TBC1D5: variants seen among roughly 807,000 people sequenced by gnomAD.
The protein encoded by TBC1D5 is TBC1 domain family member 5, also known as TBC1 domain family, member 5.
Under a neutral mutation model 100.3 loss-of-function variants are expected in TBC1D5, and 75 were observed. The ratio of observed to expected loss-of-function variants is 0.75; its 90% CI spans 0.62 to 0.91. TBC1D5 has a LOEUF of 0.91. Ranked by LOEUF, TBC1D5 falls within the 40% of genes least tolerant of loss-of-function variation. The pLI, the probability that TBC1D5 is intolerant of heterozygous loss-of-function variation, is 0.00. For missense variants in TBC1D5, 910 were observed against 942.4 expected (o/e 0.97, Z 0.45); for synonymous variants, 323 against 325.6 (o/e 0.99, Z 0.09).
intron 2 of TBC1D5, among the ~76,000 whole-genome samples, chr3:17,582,488 A>G (rs2153537751): frequency 6.6e-6 from 1 of 152,294 alleles, no homozygotes; most frequent in South Asian, 2.1e-4. Flanking sequence ...GGGATATAAA[A>G]AACAGTACAG....
At chr3:17,592,630 G>C (rs1251392358) in intron 2 of TBC1D5, among the ~76,000 whole-genome samples, 5 of 152,178 alleles carry the variant, frequency 3.3e-5, no homozygotes, top group East Asian at 1.9e-4. Context: ...GTTTTGAATG[G>C]GGTCCAGAAC....
intron 1 of TBC1D5, among the ~76,000 whole-genome samples, chr3:17,701,541 G>T (rs1329101587): frequency 6.6e-6 from 1 of 152,082 alleles, no homozygotes; most frequent in Non-Finnish European, 1.5e-5. Flanking sequence ...AGGCGGAGTT[G>T]GGAAGATCGC....
At chr3:17,583,868 T>C (rs2096716035) in intron 2 of TBC1D5, among the ~76,000 whole-genome samples, 2 of 152,186 alleles carry the variant, frequency 1.3e-5, no homozygotes, top group Non-Finnish European at 2.9e-5. Flanking sequence ...CATACCCATA[T>C]GAACAGAGAA....
At chr3:17,364,261 A>T (rs2091957051) in intron 13 of TBC1D5, among the ~76,000 whole-genome samples, 1 of 152,116 alleles carries the variant, frequency 6.6e-6, no homozygotes, top group East Asian at 1.9e-4. Context: ...TCCTTGTATT[A>T]CTGGTTTGTG....
At chr3:17,384,553 C>G (rs1172232743) in intron 8 of TBC1D5, among the ~76,000 whole-genome samples, 2 of 151,882 alleles carry the variant, frequency 1.3e-5, no homozygotes, top group Non-Finnish European at 2.9e-5. Flanking sequence ...AGAAAACCCA[C>G]AGCAACACAA....
At chr3:17,406,091 G>A (rs1454411287) in intron 5 of TBC1D5, among the ~76,000 whole-genome samples, 6 of 151,958 alleles carry the variant, frequency 3.9e-5, no homozygotes, top group African/African-American at 1.4e-4. Flanking sequence ...GTTAACCCCC[G>A]ACCACTGCCT....
intron 2 of TBC1D5, among the ~76,000 whole-genome samples, chr3:17,559,653 G>A (rs555922532): frequency 2.7e-4 from 40 of 149,526 alleles, no homozygotes; most frequent in Admixed American, 1.3e-3. Context: ...GCAACGGCGC[G>A]ATCTCGGCTC....
At chr3:17,707,109 CTT>C (rs1577675823) in intron 1 of TBC1D5, among the ~76,000 whole-genome samples, 2 of 152,064 alleles carry the variant, frequency 1.3e-5, no homozygotes, top group Non-Finnish European at 2.9e-5. Flanking sequence ...TTTCACCTAA[CTT>C]ATTTAATTTG....
intron 2 of TBC1D5, among the ~76,000 whole-genome samples, chr3:17,561,349 G>A (rs1201207604): frequency 3.9e-5 from 6 of 151,914 alleles, no homozygotes; most frequent in South Asian, 2.1e-4. Context: ...GCTCTAGTAA[G>A]AGCAAAAAAA....
chr3:17,645,091 C>T (rs1184171466), intron 1 of TBC1D5, among the ~76,000 whole-genome samples: 1 of 152,128 alleles, frequency 6.6e-6, no homozygotes, highest in Non-Finnish European at 1.5e-5. Context: ...TTTGTATCTG[C>T]ATATTCTCTG....
At chr3:17,465,330 C>T in intron 3 of TBC1D5, 1 of 182,650 alleles carries the variant, frequency 5.5e-6, no homozygotes. Flanking sequence ...GCACTGATAG[C>T]AGGCTCAACA....
intron 13 of TBC1D5, among the ~76,000 whole-genome samples, chr3:17,354,299 T>A (rs2090972467): frequency 6.6e-6 from 1 of 151,906 alleles, no homozygotes. Context: ...ATTTGAGGAG[T>A]TTCTTCATTT....
intron 14 of TBC1D5, among the ~76,000 whole-genome samples, chr3:17,295,265 A>C (rs2082132430): frequency 6.6e-6 from 1 of 152,216 alleles, no homozygotes; most frequent in Non-Finnish European, 1.5e-5. Flanking sequence ...AATATGGTGA[A>C]TTTAGGCAAG....
At chr3:17,547,083 A>G (rs9756494) in intron 2 of TBC1D5, 77,461 of 151,860 alleles carry the variant, frequency 0.51, 21,588 homozygotes, top group African/African-American at 0.72. Flanking sequence ...GGGGCTTTAG[A>G]AAGCAAAACA....
At chr3:17,243,618 A>C (rs1219177675) in intron 16 of TBC1D5, among the ~76,000 whole-genome samples, 1 of 152,182 alleles carries the variant, frequency 6.6e-6, no homozygotes, top group African/African-American at 2.4e-5. Context: ...TAACAAAGAT[A>C]AATAAAAGCT....
chr3:17,243,572 ATC>A (rs1224053424), intron 16 of TBC1D5, among the ~76,000 whole-genome samples: 1 of 152,184 alleles, frequency 6.6e-6, no homozygotes, highest in African/African-American at 2.4e-5. Flanking sequence ...ATTTAAAATA[ATC>A]TCAACAGGCT....
intron 2 of TBC1D5, among the ~76,000 whole-genome samples, chr3:17,541,400 T>TTA (rs1184070355): frequency 2.6e-5 from 4 of 152,194 alleles, no homozygotes; most frequent in Middle Eastern, 3.2e-3. Context: ...GGTTTTCATT[T>TTA]TATAAGGCTT....
chr3:17,503,397 CTG>C lies in TBC1D5; in HGVS notation c.97+5075_97+5076del, dbSNP rs2095807719. ...TTCCTCTAGGAAAGCACTTACTATT[CTG>C]TGTTTATTGATCATTTACTTCTCTC... On this transcript the variant is annotated intron_variant, in intron 3 of 21. Coordinates refer to ENST00000253692, the Ensembl canonical transcript of TBC1D5. Among the ~76,000 whole-genome samples the C allele has an allele frequency of 1.3e-5, 2 of 149,546 alleles. 1 individual carries two copies. The highest frequency in any genetic ancestry group is 5.1e-5 in the African/African-American group (2 of 39,326).
At chr3:17,158,537 G>A (rs1045683157) in exon 22 of TBC1D5, 9 of 152,218 alleles carry the variant, frequency 5.9e-5, no homozygotes, top group African/African-American at 2.2e-4. Context: ...GAGCCTGTGG[G>A]AATTTGAGGC....
Sources: gnomAD v4.1 joint callset for allele counts (sites outside exome capture counted in the v4.1 genomes callset) on GRCh38, gnomAD v4.1.1 for gene constraint, MANE v1.5 for transcripts, NCBI Gene and HGNC (gene_info 2026-07-23, HGNC 2026-07-21) for gene names.